Variants in BRD1 observed in about 807,000 individuals in gnomAD.
BRD1 encodes the protein bromodomain-containing protein 1.
Under a neutral mutation model 107.7 loss-of-function variants are expected in BRD1, and 24 were observed. The ratio of observed to expected loss-of-function variants is 0.22; its 90% CI spans 0.16 to 0.31. BRD1 has a LOEUF of 0.31. BRD1 is among the 10% of genes least tolerant of loss of function. The pLI, the probability that BRD1 is intolerant of heterozygous loss-of-function variation, is 1.00. For missense variants in BRD1, 1,279 were observed against 1,638.6 expected (o/e 0.78, Z 3.79); for synonymous variants, 744 against 686.1 (o/e 1.08, Z -1.32).
At chr22:49,794,675 A>G (rs2059497998) in intron 6 of BRD1, among the ~76,000 whole-genome samples, 1 of 152,332 alleles carries the variant, frequency 6.6e-6, no homozygotes, top group African/African-American at 2.4e-5. Flanking sequence ...CCACCAACCC[A>G]GCACAACTCA....
At chr22:49,826,045 C>A (rs1290712609) in intron 1 of BRD1, 7 of 440,998 alleles carry the variant, frequency 1.6e-5, no homozygotes, top group Non-Finnish European at 2.1e-5. Flanking sequence ...GCCCCGTGAG[C>A]CCTGCAGAGG....
intron 7 of BRD1, among the ~76,000 whole-genome samples, chr22:49,789,532 A>G (rs1339403943): frequency 1.3e-5 from 2 of 149,428 alleles, no homozygotes; most frequent in African/African-American, 5.0e-5. Context: ...ACGACATTCA[A>G]CTGCTCACTG....
chr22:49,775,697 T>C lies in BRD1; in HGVS notation c.3280A>G (p.Thr1094Ala), dbSNP rs1226561826. The C allele has an allele frequency of 6.2e-7, 1 of 1,613,678 alleles. No individual in the cohort carries two copies. Among genetic ancestry groups the C allele is most frequent in the Non-Finnish European group, 8.5e-7 (1 of 1,179,826 alleles). Residue 1094 changes from threonine to alanine, a missense_variant, in exon 12 of 13, where the codon ACC (threonine) becomes GCC (alanine). Physicochemically the swap from Thr to Ala is moderately conservative, Grantham distance 58 (BLOSUM62 0). Transcript: ENST00000404760. The part of the protein sequence containing the change: ...PRVPGHHNGV[T>A]IPAPPLDVLK... ...ACGTCCAGGGGTGGGGCCGGGATGG[T>C]GACGCCGTTGTGGTGGCCAGGCACA...
chr22:49,820,550 A>G (rs1234748936), intron 2 of BRD1, among the ~76,000 whole-genome samples: 1 of 152,196 alleles, frequency 6.6e-6, no homozygotes, highest in Non-Finnish European at 1.5e-5. Flanking sequence ...AGGCTACTGT[A>G]AGCCATGATC....
In BRD1 at chr22:49,776,999, G is replaced by C. The variant is rs758031660; in HGVS notation, c.3121+35C>G. 3.7e-5 allele frequency: 59 copies of C among 1,611,724 alleles called. No individual in the cohort carries two copies. In the South Asian group the frequency reaches 5.1e-4, roughly 14 times the overall value. ...AGCCCTAAGACGCTAACCAGGAGGT[G>C]TGGAGAGCCATGGAGGCAGGTCCGG... On this transcript the variant is annotated intron_variant, in intron 10 of 12. Transcript: ENST00000404760.
intron 2 of BRD1, among the ~76,000 whole-genome samples, chr22:49,809,548 A>AAAATATATAT (rs376173597): frequency 6.8e-6 from 1 of 147,794 alleles, no homozygotes; most frequent in Non-Finnish European, 1.5e-5. Flanking sequence ...CTCCAAAAAA[A>AAAATATATAT]ATATATATAT....
chr22:49,793,294 A>T (rs2059467946), intron 7 of BRD1, among the ~76,000 whole-genome samples: 1 of 152,232 alleles, frequency 6.6e-6, no homozygotes, highest in Non-Finnish European at 1.5e-5. Context: ...CTAGATGTAC[A>T]CAGACCATCG....
intron 10 of BRD1, among the ~76,000 whole-genome samples, chr22:49,776,390 G>C (rs747595462): frequency 1.2e-4 from 19 of 152,158 alleles, no homozygotes; most frequent in Non-Finnish European, 2.6e-4. Context: ...ACCCAGGGAA[G>C]CTCCTGCCCT....
chr22:49,826,894 C>T (rs2060153117), intron 1 of BRD1, among the ~76,000 whole-genome samples: 1 of 152,208 alleles, frequency 6.6e-6, no homozygotes, highest in South Asian at 2.1e-4. Flanking sequence ...GTGAACTGCG[C>T]CTCAATCGTG....
chr22:49,809,471 G>A (rs1388137326), intron 2 of BRD1, among the ~76,000 whole-genome samples: 1 of 151,882 alleles, frequency 6.6e-6, no homozygotes, highest in Non-Finnish European at 1.5e-5. Context: ...AACACGGGAG[G>A]CGGAGGTTGT....
At chr22:49,797,342 C>T (rs79254463) in intron 6 of BRD1, among the ~76,000 whole-genome samples, 3,698 of 152,298 alleles carry the variant, frequency 0.024, 93 homozygotes, top group South Asian at 0.063. Flanking sequence ...CTTCACGCCA[C>T]CCTCAGAAGT....
chr22:49,792,307 T>TG lies in BRD1; in HGVS notation c.2359+1726_2359+1727insC, dbSNP rs1168226075. ...TGCTGGCAACCTCCTCACAGCTCAG[T>TG]CCTCAGGGCACAGAAGACAAGGACA... On this transcript the variant is annotated intron_variant, in intron 7 of 12. Transcript: ENST00000404760. The surrounding 1 kb of genome is among the most constrained non-coding windows in gnomAD (Gnocchi z 4.2). Among the ~76,000 whole-genome samples, 53 of 152,172 alleles carry TG rather than the reference T, an allele frequency of 3.5e-4. No individual in the cohort carries two copies. Among genetic ancestry groups the TG allele is most frequent in the Non-Finnish European group, 5.9e-5 (4 of 67,980 alleles).
At chr22:49,826,531 G>A (rs2060150095) in intron 1 of BRD1, among the ~76,000 whole-genome samples, 1 of 152,224 alleles carries the variant, frequency 6.6e-6, no homozygotes, top group South Asian at 2.1e-4. Flanking sequence ...GAAGAGCCCT[G>A]CGGGCCACAG....
At chr22:49,815,363 C>T (rs1310276752) in intron 2 of BRD1, among the ~76,000 whole-genome samples, 2 of 152,058 alleles carry the variant, frequency 1.3e-5, no homozygotes, top group Admixed American at 1.3e-4. Flanking sequence ...GCCAACGTGA[C>T]GAAACCCCAT....
intron 2 of BRD1, among the ~76,000 whole-genome samples, chr22:49,822,405 C>A (rs1370249790): frequency 6.7e-6 from 1 of 150,134 alleles, no homozygotes; most frequent in Admixed American, 6.6e-5. Flanking sequence ...GCCTGGGCAA[C>A]AGAGCAAAAC....
intron 6 of BRD1, among the ~76,000 whole-genome samples, chr22:49,796,786 T>C (rs891159552): frequency 6.6e-6 from 1 of 152,194 alleles, no homozygotes; most frequent in South Asian, 2.1e-4. Context: ...GAAGCAACGA[T>C]GGCCCAGCTT....
chr22:49,807,418 A>G (rs1243988424), intron 2 of BRD1, among the ~76,000 whole-genome samples: 1 of 152,220 alleles, frequency 6.6e-6, no homozygotes, highest in South Asian at 2.1e-4. Flanking sequence ...GAAAGGACAC[A>G]CATATAGACC....
chr22:49,806,964 C>G (rs1360771795), intron 2 of BRD1: 7 of 150,676 alleles, frequency 4.6e-5, no homozygotes, highest in Admixed American at 4.0e-4. Context: ...CACCATTGCA[C>G]TCCAGCCTGA....
In BRD1 at chr22:49,799,050, G is replaced by A. The variant is rs754714000; in HGVS notation, c.1594C>T (p.Leu532=). 4.3e-6 allele frequency: 7 copies of A among 1,611,430 alleles called. No homozygotes were observed. The highest frequency in any genetic ancestry group is 5.9e-6 in the Non-Finnish European group (7 of 1,179,962). The stretch of plus-strand genomic sequence containing the variant: ...TCGATCAGCAGGCGAGCGCGCTCCA[G>A]GTCGTGCCGCAGCCGCTGCCAGTAC... ...LKYWQRLRHD[L]ERARLLIELL... is the part of the protein sequence containing the mutation. Residue 532 remains leucine, a synonymous_variant, in exon 4 of 13, where the codon CTG becomes TTG. Coordinates refer to ENST00000404760, the MANE Select transcript of BRD1 (RefSeq NM_001304808.3).
Sources: allele counts gnomAD v4.1 joint callset (sites outside exome capture counted in the v4.1 genomes callset), GRCh38; gene constraint gnomAD v4.1.1; non-coding constraint Gnocchi (gnomAD v3.1); transcripts MANE v1.5; gene names NCBI Gene and HGNC (gene_info 2026-07-23, HGNC 2026-07-21).